Variants in AMPH observed in about 807,000 individuals in gnomAD.
AMPH encodes amphiphysin (Stiff-Mann syndrome with breast cancer 128kD autoantigen).
Under a neutral mutation model 99.1 loss-of-function variants are expected in AMPH, and 49 were observed. The observed-to-expected ratio is 0.49, with a 90% CI of 0.39 to 0.63. The LOEUF (loss-of-function observed/expected upper bound fraction) is 0.63. Among genes scored for constraint, AMPH ranks in the 20% least tolerant of loss-of-function variants. AMPH has a pLI of 0.00. For synonymous variants in AMPH, 314 were observed against 317.3 expected (o/e 0.99, Z 0.11); for missense variants, 759 against 863.4 (o/e 0.88, Z 1.52).
chr7:38,590,843 T>C (rs902487342), intron 1 of AMPH, among the ~76,000 whole-genome samples: 59 of 152,270 alleles, frequency 3.9e-4, no homozygotes, highest in African/African-American at 1.4e-3. Flanking sequence ...TTGAGGACAA[T>C]GACCACAAGG....
intron 17 of AMPH, among the ~76,000 whole-genome samples, chr7:38,410,051 T>C (rs537036671): frequency 1.3e-5 from 2 of 152,218 alleles, no homozygotes; most frequent in East Asian, 3.8e-4. Flanking sequence ...TCAATGGGGA[T>C]TGCAAATAGT....
intron 17 of AMPH, among the ~76,000 whole-genome samples, chr7:38,408,237 G>T (rs80304295): frequency 2.7e-3 from 410 of 152,296 alleles, no homozygotes; most frequent in African/African-American, 9.3e-3. Flanking sequence ...TGGTTCCCAA[G>T]TGATGTTTGA....
chr7:38,389,741 G>A, intron 20 of AMPH, 63 bp downstream of exon 20: 1 of 1,247,796 alleles, frequency 8.0e-7, no homozygotes, highest in African/African-American at 1.5e-5. Context: ...AAGTGATTGT[G>A]TCCAACAGAC....
chr7:38,527,696 G>A (rs185371365), intron 2 of AMPH, among the ~76,000 whole-genome samples: 51 of 152,286 alleles, frequency 3.3e-4, no homozygotes, highest in African/African-American at 1.1e-3. Context: ...GACAAAATGA[G>A]TGTAATTTCT....
intron 5 of AMPH, among the ~76,000 whole-genome samples, chr7:38,479,860 C>A (rs766342098): frequency 1.3e-5 from 2 of 151,490 alleles, no homozygotes; most frequent in Admixed American, 6.6e-5. Flanking sequence ...ATAAGTAGAA[C>A]GAATAAGGAA....
At chr7:38,525,183 A>C (rs976975781) in intron 2 of AMPH, among the ~76,000 whole-genome samples, 10 of 149,944 alleles carry the variant, frequency 6.7e-5, no homozygotes, top group African/African-American at 2.5e-4. Context: ...AGTTGTGTAT[A>C]TATATACACA....
chr7:38,580,658 GGAT>G (rs60977723), intron 1 of AMPH, among the ~76,000 whole-genome samples: 17,628 of 149,376 alleles, frequency 0.12, 1,069 homozygotes, highest in African/African-American at 0.14. Context: ...AAGAGATATG[GGAT>G]GATGATGATG....
chr7:38,446,641 T>C (rs1178205275), intron 11 of AMPH, among the ~76,000 whole-genome samples: 1 of 152,140 alleles, frequency 6.6e-6, no homozygotes, highest in African/African-American at 2.4e-5. Context: ...CAAGAGAAAT[T>C]AAAAAGTGGC....
intron 1 of AMPH, among the ~76,000 whole-genome samples, chr7:38,620,800 G>C (rs1037598932): frequency 1.3e-5 from 2 of 151,968 alleles, no homozygotes; most frequent in African/African-American, 4.8e-5. Flanking sequence ...TTGTAAAAAA[G>C]GATTTTGGAT....
chr7:38,513,160 T>C (rs1407590933), intron 2 of AMPH, among the ~76,000 whole-genome samples: 32 of 152,182 alleles, frequency 2.1e-4, no homozygotes, highest in Admixed American at 2.1e-3. Flanking sequence ...GATTGTGTAA[T>C]CAAAACACAT....
intron 20 of AMPH, among the ~76,000 whole-genome samples, chr7:38,387,031 T>A (rs1784368279): frequency 6.6e-6 from 1 of 152,128 alleles, no homozygotes; most frequent in Non-Finnish European, 1.5e-5. Flanking sequence ...TGCCTTGAAA[T>A]CCTGGGCTGA....
At chr7:38,574,286 A>C (rs1456176793) in intron 1 of AMPH, among the ~76,000 whole-genome samples, 2 of 152,224 alleles carry the variant, frequency 1.3e-5, no homozygotes, top group Non-Finnish European at 2.9e-5. Context: ...TCAATAACTA[A>C]GACAACTGAG....
At chr7:38,437,955 C>T (rs558564372) in intron 11 of AMPH, among the ~76,000 whole-genome samples, 47 of 152,290 alleles carry the variant, frequency 3.1e-4, no homozygotes, top group African/African-American at 1.1e-3. Flanking sequence ...AGTAACTCCC[C>T]ATATATACTT....
intron 3 of AMPH, among the ~76,000 whole-genome samples, chr7:38,502,491 C>T (rs1425986728): frequency 6.6e-6 from 1 of 152,012 alleles, no homozygotes; most frequent in Non-Finnish European, 1.5e-5. Context: ...GAGCCCTGAG[C>T]CTGTCCCATT....
intron 4 of AMPH, among the ~76,000 whole-genome samples, chr7:38,493,770 G>A (rs1049546700): frequency 1.3e-5 from 2 of 152,164 alleles, no homozygotes; most frequent in African/African-American, 2.4e-5. Flanking sequence ...ATTTGGGGAG[G>A]CATAGTCAAT....
intron 15 of AMPH, among the ~76,000 whole-genome samples, chr7:38,422,738 C>G (rs1177737664): frequency 6.6e-6 from 1 of 152,114 alleles, no homozygotes; most frequent in Non-Finnish European, 1.5e-5. Flanking sequence ...TCTACCTCAG[C>G]CTCCTGAGTA....
intron 12 of AMPH, among the ~76,000 whole-genome samples, chr7:38,433,744 A>AAAAAAAAAAAAAAAG (rs1562751901): frequency 1.4e-5 from 2 of 147,404 alleles, no homozygotes; most frequent in African/African-American, 5.1e-5. Flanking sequence ...AAAAAAAAAA[A>AAAAAAAAAAAAAAAG]AAGAATCAAA....
At chr7:38,450,573 C>T (rs10487744) in intron 11 of AMPH, among the ~76,000 whole-genome samples, 7,631 of 152,148 alleles carry the variant, frequency 0.05, 371 homozygotes, top group African/African-American at 0.13. Context: ...TGTGTACGGT[C>T]GATTATATGC....
intron 17 of AMPH, among the ~76,000 whole-genome samples, chr7:38,406,559 T>G (rs544085003): frequency 7.9e-5 from 12 of 152,170 alleles, no homozygotes; most frequent in African/African-American, 2.9e-4. Context: ...TCTGTGAGGT[T>G]GGTGCCAGAG....
Sources: allele counts gnomAD v4.1 joint callset (sites outside exome capture counted in the v4.1 genomes callset), GRCh38; gene constraint gnomAD v4.1.1; transcripts MANE v1.5; gene names NCBI Gene and HGNC (gene_info 2026-07-23, HGNC 2026-07-21).